SESTD1: variants seen among roughly 807,000 people sequenced by gnomAD.
SESTD1 encodes SEC14 and spectrin domain containing 1.
A neutral mutation model predicts 101.7 loss-of-function variants in SESTD1; 43 were observed. That is an observed-to-expected ratio of 0.42 (90% confidence interval 0.33 to 0.55). The LOEUF is 0.55. Among genes scored for constraint, SESTD1 ranks in the 20% least tolerant of loss-of-function variants. The pLI is 0.07. For missense variants in SESTD1, 647 were observed against 815.1 expected (o/e 0.79, Z 2.51); for synonymous variants, 283 against 286.8 (o/e 0.99, Z 0.13).
chr2:179,257,925 C>T (rs143780035), intron 1 of SESTD1, among the ~76,000 whole-genome samples: 1 of 152,158 alleles, frequency 6.6e-6, no homozygotes, highest in Admixed American at 6.5e-5. Flanking sequence ...CACATAACCA[C>T]CAGTCTTCAA....
At chr2:179,174,831 C>A (rs1280634996) in intron 4 of SESTD1, among the ~76,000 whole-genome samples, 2 of 151,844 alleles carry the variant, frequency 1.3e-5, no homozygotes, top group Non-Finnish European at 2.9e-5. Flanking sequence ...CGCCTCCAGT[C>A]CCAACTACTC....
intron 4 of SESTD1, among the ~76,000 whole-genome samples, chr2:179,174,711 A>G (rs1397220175): frequency 6.6e-6 from 1 of 152,142 alleles, no homozygotes; most frequent in Non-Finnish European, 1.5e-5. Context: ...CTGTAATCTC[A>G]GCGATTTGGG....
intron 1 of SESTD1, among the ~76,000 whole-genome samples, chr2:179,208,263 A>G (rs1313903040): frequency 1.5e-5 from 2 of 135,624 alleles, no homozygotes; most frequent in Non-Finnish European, 1.6e-5. Flanking sequence ...GGTGTTCCTG[A>G]GGAAGAAGAG....
At chr2:179,234,151 T>C (rs182405088) in intron 1 of SESTD1, among the ~76,000 whole-genome samples, 80 of 152,318 alleles carry the variant, frequency 5.3e-4, no homozygotes, top group African/African-American at 1.7e-3. Flanking sequence ...CCAGCAGGAC[T>C]GCCTTCAGAC....
At chr2:179,258,452 A>G (rs1163615560) in intron 1 of SESTD1, among the ~76,000 whole-genome samples, 1 of 152,250 alleles carries the variant, frequency 6.6e-6, no homozygotes, top group East Asian at 1.9e-4. Flanking sequence ...AGCTCTGGCA[A>G]TACCCACTAA....
At chr2:179,170,826 T>C (rs185571304) in intron 5 of SESTD1, among the ~76,000 whole-genome samples, 10 of 152,294 alleles carry the variant, frequency 6.6e-5, no homozygotes, top group East Asian at 5.8e-4. Flanking sequence ...TTGATAAACA[T>C]GTACACAGGC....
In SESTD1 at chr2:179,191,544, T is replaced by C. The variant is rs111841172; in HGVS notation, c.55+243A>G. Among the ~76,000 whole-genome samples, 6 of 152,000 alleles carry C rather than the reference T, an allele frequency of 3.9e-5. No homozygotes were observed. In the East Asian group the frequency reaches 7.7e-4, roughly 20 times the overall value. ...ACCTTAGTATCATGTAATATACCCA[T>C]GCAACAGACAGGCACATGTACCCCC... On this transcript the variant is annotated intron_variant, in intron 2 of 17. Coordinates refer to ENST00000428443, the MANE Select transcript of SESTD1 (RefSeq NM_178123.5).
chr2:179,222,188 G>C (rs939164648), intron 1 of SESTD1, among the ~76,000 whole-genome samples: 10 of 152,094 alleles, frequency 6.6e-5, no homozygotes, highest in African/African-American at 2.4e-4. Context: ...TCTCTACTAT[G>C]GGATTCTGTT....
At chr2:179,166,374 A>G (rs2045834787) in intron 5 of SESTD1, among the ~76,000 whole-genome samples, 2 of 152,216 alleles carry the variant, frequency 1.3e-5, no homozygotes, top group South Asian at 4.1e-4. Flanking sequence ...TATGAAAAAA[A>G]AAATCTTAGA....
chr2:179,121,758 G>A lies in SESTD1; in HGVS notation c.1442+12C>T. On this transcript the variant is annotated intron_variant, in intron 13 of 17. Coordinates refer to ENST00000428443, the MANE Select transcript of SESTD1 (RefSeq NM_178123.5). ...TTATTTTAGTAAAAAGTAATTAACG[G>A]TCAAACTTTGCCTTTGTTTTCTAAG... 2.6e-6 allele frequency: 4 copies of A among 1,549,700 alleles called. No individual in the cohort carries two copies. The highest frequency in any genetic ancestry group is 1.7e-4 in the Middle Eastern group (1 of 5,756).
At chr2:179,123,397 AC>A (rs1412313443) in intron 12 of SESTD1, among the ~76,000 whole-genome samples, 3 of 152,070 alleles carry the variant, frequency 2.0e-5, no homozygotes, top group Non-Finnish European at 4.4e-5. Context: ...AGAACATTTC[AC>A]AGCTAATTAC....
intron 12 of SESTD1, among the ~76,000 whole-genome samples, chr2:179,123,378 A>G (rs2044795560): frequency 6.6e-6 from 1 of 152,112 alleles, no homozygotes; most frequent in Non-Finnish European, 1.5e-5. Flanking sequence ...GGCATACAGG[A>G]TTTACCACAG....
At chr2:179,212,797 G>C (rs1356931797) in intron 1 of SESTD1, among the ~76,000 whole-genome samples, 1 of 134,980 alleles carries the variant, frequency 7.4e-6, no homozygotes, top group Non-Finnish European at 1.6e-5. Context: ...CCGGAGGAAG[G>C]ATCAGGCAGC....
At chr2:179,116,593 A>G in intron 15 of SESTD1, 75 bp downstream of exon 15, 1 of 1,605,988 alleles carries the variant, frequency 6.2e-7, no homozygotes. Flanking sequence ...CTTGGAAGGT[A>G]AAGTTACATT....
intron 1 of SESTD1, among the ~76,000 whole-genome samples, chr2:179,231,153 G>A (rs1249400277): frequency 1.3e-5 from 2 of 152,132 alleles, no homozygotes; most frequent in African/African-American, 4.8e-5. Context: ...GTCACCATGA[G>A]TTCTTCTTAA....
intron 4 of SESTD1, chr2:179,174,266 T>C (rs908782221): frequency 8.2e-6 from 3 of 364,838 alleles, no homozygotes; most frequent in African/African-American, 4.3e-5. Flanking sequence ...TGACTTCATA[T>C]GTAGAAACTG....
chr2:179,152,624 C>G (rs143141143), intron 5 of SESTD1, among the ~76,000 whole-genome samples: 2 of 152,010 alleles, frequency 1.3e-5, no homozygotes, highest in East Asian at 3.8e-4. Context: ...GTTATAATAT[C>G]AACAATAAAT....
In SESTD1 at chr2:179,248,694, GGA is replaced by G. The variant is rs1204640167; in HGVS notation, c.-26+15803_-26+15804del. On this transcript the variant is annotated intron_variant, in intron 1 of 17. Transcript: ENST00000428443. ...AACCTCTTAGAAAAATATGAATAAA[GGA>G]GACTTCATCAACTTGATGAAGAGTT... is the stretch of plus-strand genomic sequence containing the variant. Among the ~76,000 whole-genome samples, 17 of 151,694 alleles carry G rather than the reference GGA, an allele frequency of 1.1e-4. No individual in the cohort carries two copies. The East Asian group carries it at 3.1e-3, about 28-fold the overall frequency.
chr2:179,151,925 A>G (rs2045539290), intron 5 of SESTD1, among the ~76,000 whole-genome samples: 1 of 152,180 alleles, frequency 6.6e-6, no homozygotes, highest in African/African-American at 2.4e-5. Flanking sequence ...AGATCAGAGT[A>G]TTTATAAACT....
Sources: gnomAD v4.1 joint callset for allele counts (sites outside exome capture counted in the v4.1 genomes callset) on GRCh38, gnomAD v4.1.1 for gene constraint, MANE v1.5 for transcripts, NCBI Gene and HGNC (gene_info 2026-07-23, HGNC 2026-07-21) for gene names.